The following TSC22D1 variants were observed in gnomAD, a reference collection of about 807,000 sequenced individuals.
TSC22D1 encodes TSC22 domain family protein 1.
TSC22D1 carries 9 observed loss-of-function variants against 74.2 expected under a neutral mutation model. That is an observed-to-expected ratio of 0.12 (90% CI 0.07 to 0.21). TSC22D1 has a LOEUF of 0.21. Ranked by LOEUF, TSC22D1 falls within the 10% of genes least tolerant of loss-of-function variation. The pLI is 1.00. For synonymous variants in TSC22D1, 586 were observed against 492.5 expected (o/e 1.19, Z -2.51); for missense variants, 1,427 against 1,304.7 (o/e 1.09, Z -1.44).
At position 44,466,234 on chromosome 13, in the gene TSC22D1, G is replaced by A. The variant is rs371501783; in HGVS notation, c.2913-30139C>T. Among the ~76,000 whole-genome samples, 6 of 152,310 alleles carry A rather than the reference G, an allele frequency of 3.9e-5. No individual in the cohort carries two copies. The East Asian group carries it at 1.2e-3, about 29-fold the overall frequency. ...AGAAGCTAGGGAAGGGGTATAGGGA[G>A]AGGGTGGAAGCTTAGAACTAGTACC... On this transcript the variant is annotated intron_variant, in intron 1 of 2. Coordinates refer to ENST00000458659, the MANE Select transcript of TSC22D1 (RefSeq NM_183422.4).
rs78439992 is a variant in TSC22D1 at position 44,439,412 on chromosome 13, A to G, written c.2913-3317T>C. Among the ~76,000 whole-genome samples, 512 of 152,364 alleles carry G rather than the reference A, an allele frequency of 3.4e-3. 2 individuals are homozygous for G. The highest frequency in any genetic ancestry group is 0.012 in the African/African-American group (487 of 41,586). On this transcript the variant is annotated intron_variant, in intron 1 of 2. Coordinates refer to ENST00000458659, the MANE Select transcript of TSC22D1 (RefSeq NM_183422.4). ...ACTGAGAAGACATAATTTGAAAAAGAAGGCAAAGGAAATGGAAAGCTCCAT... is the reference window on the plus strand; with the variant it reads ...ACTGAGAAGACATAATTTGAAAAAGGAGGCAAAGGAAATGGAAAGCTCCAT...
chr13:44,566,286 T>C (rs2138218947), intron 1 of TSC22D1, among the ~76,000 whole-genome samples: 1 of 152,302 alleles, frequency 6.6e-6, no homozygotes, highest in South Asian at 2.1e-4. Flanking sequence ...TCTGCTTTAC[T>C]GCTATGTATG....
intron 1 of TSC22D1, among the ~76,000 whole-genome samples, chr13:44,543,868 G>C (rs923750716): frequency 6.6e-6 from 1 of 152,170 alleles, no homozygotes; most frequent in Non-Finnish European, 1.5e-5. Context: ...GAGGTGGGCC[G>C]ATCACCTGGG....
intron 1 of TSC22D1, among the ~76,000 whole-genome samples, chr13:44,502,714 C>T (rs187362656): frequency 6.6e-6 from 1 of 152,252 alleles, no homozygotes; most frequent in East Asian, 1.9e-4. Flanking sequence ...CCTACAGTGG[C>T]AGGGGTTGAG....
At chr13:44,577,005 G>C (rs1439558292), upstream of TSC22D1, 2 of 152,744 alleles carry the variant, frequency 1.3e-5, no homozygotes, top group East Asian at 3.9e-4. Context: ...GCGCTAGGGC[G>C]GAGGGTGCGA....
intron 1 of TSC22D1, among the ~76,000 whole-genome samples, chr13:44,481,058 A>G (rs929452897): frequency 3.3e-5 from 5 of 152,228 alleles, no homozygotes; most frequent in Admixed American, 6.5e-5. Context: ...AGAGAAGCCA[A>G]ACAAATAGTA....
At chr13:44,538,017 CA>C (rs1881250843) in intron 1 of TSC22D1, 6 of 985,022 alleles carry the variant, frequency 6.1e-6, no homozygotes, top group Non-Finnish European at 7.2e-6. Flanking sequence ...AAGAAAGAAA[CA>C]GAAACATTTT....
Position 44,574,263 on chromosome 13 carries a change from C to T in TSC22D1, c.1812G>A (p.Gln604=). ...GAGGAGCCGCCTGAGAATATGGTAG[C>T]TGGGGTTGAGCCAAACTGGAAATGG... ...QPSISSLAQP[Q]LPYSQAAPPV... is the part of the protein sequence containing the mutation. The change falls in exon 1 of 3, where the codon CAG becomes CAA. Residue 604 remains glutamine, a synonymous_variant. Transcript: ENST00000458659. The T allele has an allele frequency of 4.3e-6, 7 of 1,614,184 alleles. No individual in the cohort carries two copies. The highest frequency in any genetic ancestry group is 5.1e-6 in the Non-Finnish European group (6 of 1,180,030).
At chr13:44,436,946 T>C in intron 1 of TSC22D1, 1 of 1,018,962 alleles carries the variant, frequency 9.8e-7, no homozygotes, top group Non-Finnish European at 1.2e-6. Flanking sequence ...CCTACTCCCT[T>C]CCAGGTCCTC....
At chr13:44,466,929 G>A (rs1480445160) in intron 1 of TSC22D1, among the ~76,000 whole-genome samples, 8 of 151,990 alleles carry the variant, frequency 5.3e-5, no homozygotes, top group African/African-American at 1.2e-4. Flanking sequence ...TTGGGAGGCC[G>A]AGGTGGGCAG....
At chr13:44,450,402 A>T (rs1037001009) in intron 1 of TSC22D1, among the ~76,000 whole-genome samples, 11 of 152,220 alleles carry the variant, frequency 7.2e-5, no homozygotes, top group Non-Finnish European at 1.3e-4. Context: ...GGTCCACATA[A>T]TAGGGTTTAA....
At chr13:44,482,907 G>C (rs1413560654) in intron 1 of TSC22D1, among the ~76,000 whole-genome samples, 1 of 152,114 alleles carries the variant, frequency 6.6e-6, no homozygotes, top group Non-Finnish European at 1.5e-5. Context: ...AAGTGCTTTA[G>C]AAAGATATTT....
rs546273284 is a variant in TSC22D1, at chr13:44,573,147, T to C, written c.2912+16A>G. The C allele has an allele frequency of 2.5e-6, 4 of 1,608,908 alleles. No individual in the cohort carries two copies. Among genetic ancestry groups the C allele is most frequent in the East Asian group, 2.2e-5 (1 of 44,822 alleles). ...CAAATCTGTTGAATGTCTCCAGAAATATGACATGATCTTACCTCTCATCCT... is the reference window on the plus strand; with the variant it reads ...CAAATCTGTTGAATGTCTCCAGAAACATGACATGATCTTACCTCTCATCCT... On this transcript the variant is annotated intron_variant, in intron 1 of 2. Transcript: ENST00000458659.
intron 1 of TSC22D1, chr13:44,539,905 C>T: frequency 7.8e-7 from 1 of 1,289,586 alleles, no homozygotes; most frequent in Non-Finnish European, 1.0e-6. Flanking sequence ...CTCCTTGCAC[C>T]TCTGGTAGGA....
chr13:44,460,028 T>C (rs1384114303), intron 1 of TSC22D1, among the ~76,000 whole-genome samples: 2 of 152,036 alleles, frequency 1.3e-5, no homozygotes, highest in African/African-American at 2.4e-5. Flanking sequence ...CTGAGAAAAC[T>C]CCAGCAAAGG....
chr13:44,473,289 G>A (rs1394623359), intron 1 of TSC22D1, among the ~76,000 whole-genome samples: 2 of 152,168 alleles, frequency 1.3e-5, no homozygotes, highest in Non-Finnish European at 2.9e-5. Flanking sequence ...GAGGTCAGGA[G>A]TTTGAGACCA....
At chr13:44,495,266 C>A in intron 1 of TSC22D1, among the ~76,000 whole-genome samples, 1 of 139,146 alleles carries the variant, frequency 7.2e-6, no homozygotes, top group Non-Finnish European at 1.5e-5. Context: ...AGCCAGAAAG[C>A]AGCAGGGTGA....
intron 1 of TSC22D1, among the ~76,000 whole-genome samples, chr13:44,467,460 C>T (rs1196960675): frequency 1.3e-5 from 2 of 151,952 alleles, no homozygotes; most frequent in Non-Finnish European, 2.9e-5. Context: ...AACAGACAAA[C>T]TACAGAATGG....
intron 1 of TSC22D1, among the ~76,000 whole-genome samples, chr13:44,531,734 T>C (rs111333233): frequency 1.7e-3 from 253 of 152,190 alleles, no homozygotes; most frequent in African/African-American, 5.9e-3. Context: ...AGTTCAAGAT[T>C]TGGGGGAGGA....
Sources: gnomAD v4.1 joint callset for allele counts (sites outside exome capture counted in the v4.1 genomes callset) on GRCh38, gnomAD v4.1.1 for gene constraint, MANE v1.5 for transcripts, NCBI Gene and HGNC (gene_info 2026-07-23, HGNC 2026-07-21) for gene names.